Variants in AKAIN1 observed in about 807,000 individuals in gnomAD.
AKAIN1 encodes the protein A-kinase anchor inhibitor 1, also known as A-kinase anchor protein inhibitor 1.
Under a neutral mutation model 3.7 loss-of-function variants are expected in AKAIN1, and 3 were observed. That is an observed-to-expected ratio of 0.82 (90% CI 0.37 to 2.12). The LOEUF is 2.12. AKAIN1 is among the 30% of genes most tolerant of loss of function. The pLI, the probability that AKAIN1 is intolerant of heterozygous loss-of-function variation, is 0.06. For synonymous variants in AKAIN1, 31 were observed against 30.8 expected, an observed-to-expected ratio of 1.01 and a Z score of -0.02; for missense variants, 82 against 82.7, an observed-to-expected ratio of 0.99 and a Z score of 0.03.
intron 1 of AKAIN1, among the ~76,000 whole-genome samples, chr18:5,185,340 C>T (rs535781386): frequency 2.0e-5 from 3 of 152,154 alleles, no homozygotes; most frequent in East Asian, 3.9e-4. Flanking sequence ...CAAAAATTGA[C>T]AAACATGACC....
At chr18:5,166,560 C>A (rs1316775518) in intron 1 of AKAIN1, among the ~76,000 whole-genome samples, 1 of 151,964 alleles carries the variant, frequency 6.6e-6, no homozygotes, top group Non-Finnish European at 1.5e-5. Context: ...GAAATAAGAA[C>A]CATCTTTAAA....
chr18:5,160,640 C>G (rs1350998894), intron 1 of AKAIN1, among the ~76,000 whole-genome samples: 1 of 152,106 alleles, frequency 6.6e-6, no homozygotes, highest in Non-Finnish European at 1.5e-5. Context: ...GTCCTGAGAT[C>G]ATGAAGTTGT....
intron 1 of AKAIN1, among the ~76,000 whole-genome samples, chr18:5,192,385 T>TTTC (rs572080430): frequency 9.3e-6 from 1 of 106,990 alleles, no homozygotes; most frequent in Non-Finnish European, 1.9e-5. Context: ...ACAGAGCTAA[T>TTTC]TTTCTTTCTT....
intron 1 of AKAIN1, among the ~76,000 whole-genome samples, chr18:5,177,003 T>C (rs970403586): frequency 6.6e-6 from 1 of 150,684 alleles, no homozygotes; most frequent in Non-Finnish European, 1.5e-5. Context: ...CGGGATGCAA[T>C]GAAATACAGC....
intron 1 of AKAIN1, among the ~76,000 whole-genome samples, chr18:5,161,174 C>G (rs760247139): frequency 1.3e-4 from 19 of 151,948 alleles, no homozygotes; most frequent in Non-Finnish European, 2.4e-4. Context: ...ATATTTTGTT[C>G]TTCGGCTCCA....
intron 1 of AKAIN1, among the ~76,000 whole-genome samples, chr18:5,178,018 A>G (rs192807036): frequency 1.3e-5 from 2 of 152,164 alleles, no homozygotes; most frequent in Non-Finnish European, 2.9e-5. Context: ...TCACGCCTGC[A>G]AGCAAACAGC....
At chr18:5,195,866 C>G (rs1222935107) in intron 1 of AKAIN1, among the ~76,000 whole-genome samples, 1 of 152,078 alleles carries the variant, frequency 6.6e-6, no homozygotes, top group African/African-American at 2.4e-5. Context: ...TCCTTTAAGG[C>G]GTTCCTCTAA....
chr18:5,179,646 A>T (rs2071246115), intron 1 of AKAIN1, among the ~76,000 whole-genome samples: 1 of 152,024 alleles, frequency 6.6e-6, no homozygotes, highest in Admixed American at 6.6e-5. Context: ...TTATTTGATA[A>T]ATCAGGAGCC....
At chr18:5,184,758 C>T (rs2143025240) in intron 1 of AKAIN1, among the ~76,000 whole-genome samples, 1 of 152,150 alleles carries the variant, frequency 6.6e-6, no homozygotes, top group Non-Finnish European at 1.5e-5. Flanking sequence ...GTTAAAATGG[C>T]CATATTGCCC....
intron 1 of AKAIN1, among the ~76,000 whole-genome samples, chr18:5,153,865 G>C (rs7236094): frequency 0.089 from 13,480 of 152,018 alleles, 682 homozygotes; most frequent in Non-Finnish European, 0.12. Flanking sequence ...ACCACTCTGT[G>C]GGGGATGTAG....
intron 1 of AKAIN1, among the ~76,000 whole-genome samples, chr18:5,196,770 C>T (rs1879334212): frequency 6.6e-6 from 1 of 152,046 alleles, no homozygotes; most frequent in Admixed American, 6.6e-5. Context: ...CTCCTGAGCT[C>T]GGAAGGGGTG....
At chr18:5,162,108 A>C (rs1308021559) in intron 1 of AKAIN1, among the ~76,000 whole-genome samples, 1 of 152,150 alleles carries the variant, frequency 6.6e-6, no homozygotes, top group Non-Finnish European at 1.5e-5. Context: ...AGAGATTATA[A>C]GGACTTAGGT....
chr18:5,194,217 C>G (rs139869870), intron 1 of AKAIN1, among the ~76,000 whole-genome samples: 1 of 152,066 alleles, frequency 6.6e-6, no homozygotes, highest in Non-Finnish European at 1.5e-5. Context: ...TAATTAACTC[C>G]TTAAAAAATT....
In AKAIN1 at chr18:5,148,551, T is replaced by C. The variant is rs1349710400; in HGVS notation, c.17-2796A>G. 4.6e-5 allele frequency among the ~76,000 whole-genome samples: 7 copies of C among 152,326 alleles called. No individual in the cohort carries two copies. In the East Asian group the frequency reaches 1.4e-3, roughly 29 times the overall value. On this transcript the variant is annotated intron_variant, in intron 1 of 1. Coordinates refer to ENST00000434239, the MANE Select transcript of AKAIN1 (RefSeq NM_001145194.2). ...TACATTCACAGGCTGGGCAGCCATA[T>C]GTCTTTCTGAAATTCAAGGAGGGGC...
intron 1 of AKAIN1, among the ~76,000 whole-genome samples, chr18:5,155,869 G>C (rs2071105401): frequency 6.6e-6 from 1 of 152,306 alleles, no homozygotes; most frequent in East Asian, 1.9e-4. Context: ...ATGTCCTAGT[G>C]GTGGCCTCCT....
rs573976818 is a variant in AKAIN1 at position 5,158,682 on chromosome 18, C to T, written c.17-12927G>A. On this transcript the variant is annotated intron_variant, in intron 1 of 1. Coordinates refer to ENST00000434239, the MANE Select transcript of AKAIN1 (RefSeq NM_001145194.2). ...TTGTTCCTGTTGGTCAACCATTTGCCATGACAACATTCTCCTCAAGCTTAT... is the reference window on the plus strand; with the variant it reads ...TTGTTCCTGTTGGTCAACCATTTGCTATGACAACATTCTCCTCAAGCTTAT... 2.0e-5 allele frequency among the ~76,000 whole-genome samples: 3 copies of T among 152,292 alleles called. No individual in the cohort carries two copies. The East Asian group carries it at 5.8e-4, about 30-fold the overall frequency.
At chr18:5,151,921 G>C (rs963287853) in intron 1 of AKAIN1, among the ~76,000 whole-genome samples, 3 of 152,166 alleles carry the variant, frequency 2.0e-5, no homozygotes, top group Non-Finnish European at 4.4e-5. Flanking sequence ...ACAAACACTA[G>C]GCTAGGTATT....
intron 1 of AKAIN1, among the ~76,000 whole-genome samples, chr18:5,155,417 C>T (rs1320650261): frequency 1.3e-5 from 2 of 152,122 alleles, no homozygotes; most frequent in African/African-American, 2.4e-5. Context: ...CATGACTCCT[C>T]CTGTAGCTTA....
intron 1 of AKAIN1, among the ~76,000 whole-genome samples, chr18:5,186,583 C>T (rs985609683): frequency 2.6e-5 from 4 of 152,034 alleles, no homozygotes; most frequent in African/African-American, 9.7e-5. Flanking sequence ...GAAAAATCCT[C>T]AATTTTTTCT....
Sources: allele counts gnomAD v4.1 joint callset (sites outside exome capture counted in the v4.1 genomes callset), GRCh38; gene constraint gnomAD v4.1.1; transcripts MANE v1.5; gene names NCBI Gene and HGNC (gene_info 2026-07-23, HGNC 2026-07-21).